Variants in CNTNAP2 observed in about 807,000 individuals in gnomAD.
CNTNAP2 encodes the protein contactin-associated protein-like 2.
In CNTNAP2, 98 loss-of-function variants were observed where a neutral mutation model predicts 155.2. The ratio of observed to expected loss-of-function variants is 0.63; its 90% CI spans 0.54 to 0.75. The LOEUF (loss-of-function observed/expected upper bound fraction) is 0.75, where lower values mean the gene tolerates loss of function less well. Ranked by LOEUF, CNTNAP2 falls within the 30% of genes least tolerant of loss-of-function variation. The pLI, the probability that CNTNAP2 is intolerant of heterozygous loss-of-function variation, is 0.00. For synonymous variants in CNTNAP2, 651 were observed against 631.2 expected (o/e 1.03, Z -0.47); for missense variants, 1,727 against 1,688.1 (o/e 1.02, Z -0.40).
At chr7:146,957,525 G>T (rs976639430) in intron 3 of CNTNAP2, among the ~76,000 whole-genome samples, 2 of 152,140 alleles carry the variant, frequency 1.3e-5, no homozygotes, top group Non-Finnish European at 2.9e-5. Flanking sequence ...ATACACAAAA[G>T]CATAGAGTAA....
chr7:146,364,244 G>A (rs1282556799), intron 1 of CNTNAP2, among the ~76,000 whole-genome samples: 1 of 152,090 alleles, frequency 6.6e-6, no homozygotes, highest in Non-Finnish European at 1.5e-5. Context: ...CTAATTACCA[G>A]AGCTGAAAAA....
chr7:146,785,804 G>C (rs879552482), intron 2 of CNTNAP2, among the ~76,000 whole-genome samples: 2 of 152,178 alleles, frequency 1.3e-5, no homozygotes, highest in Non-Finnish European at 2.9e-5. Flanking sequence ...GTAGAACAGA[G>C]ACCATGAGGA....
chr7:146,984,553 A>G (rs567466242), intron 3 of CNTNAP2, among the ~76,000 whole-genome samples: 15 of 151,868 alleles, frequency 9.9e-5, no homozygotes, highest in Non-Finnish European at 2.1e-4. Context: ...CTATAAGACA[A>G]TGTCATTTTA....
intron 8 of CNTNAP2, among the ~76,000 whole-genome samples, chr7:147,212,609 A>C (rs1406399837): frequency 6.6e-6 from 1 of 152,136 alleles, no homozygotes; most frequent in African/African-American, 2.4e-5. Flanking sequence ...GATGTGGAGA[A>C]GTGTTGAAAA....
intron 21 of CNTNAP2, among the ~76,000 whole-genome samples, chr7:148,369,999 G>A (rs1288814820): frequency 3.9e-5 from 6 of 152,110 alleles, no homozygotes; most frequent in Non-Finnish European, 8.8e-5. Context: ...TAAGTTCCAA[G>A]GGATGTAAAG....
At chr7:147,304,467 A>C (rs1794993060) in intron 9 of CNTNAP2, among the ~76,000 whole-genome samples, 1 of 152,124 alleles carries the variant, frequency 6.6e-6, no homozygotes, top group African/African-American at 2.4e-5. Context: ...ATGATTTTTA[A>C]ATTTCTAAAT....
chr7:147,270,645 G>C (rs1276725646), intron 8 of CNTNAP2, among the ~76,000 whole-genome samples: 1 of 152,156 alleles, frequency 6.6e-6, no homozygotes, highest in Non-Finnish European at 1.5e-5. Flanking sequence ...CTGCATTTTA[G>C]ACAAATGACC....
At chr7:146,310,703 G>C (rs1370067533) in intron 1 of CNTNAP2, among the ~76,000 whole-genome samples, 1 of 152,004 alleles carries the variant, frequency 6.6e-6, no homozygotes, top group African/African-American at 2.4e-5. Context: ...TACGATCAAA[G>C]TAGCAACTTG....
intron 8 of CNTNAP2, among the ~76,000 whole-genome samples, chr7:147,154,142 T>A (rs1264568888): frequency 6.6e-6 from 1 of 152,070 alleles, no homozygotes; most frequent in Admixed American, 6.6e-5. Flanking sequence ...CCACTAGATG[T>A]AATAACATTC....
At chr7:146,759,711 A>AGGG (rs1554477346) in intron 1 of CNTNAP2, among the ~76,000 whole-genome samples, 3 of 60,764 alleles carry the variant, frequency 4.9e-5, no homozygotes, top group Non-Finnish European at 6.4e-5. Context: ...AAAAAAAAAA[A>AGGG]GGTGGGTGGG....
chr7:148,294,174 AATATT>A (rs1389575021), intron 21 of CNTNAP2, among the ~76,000 whole-genome samples: 1 of 151,968 alleles, frequency 6.6e-6, no homozygotes, highest in Non-Finnish European at 1.5e-5. Flanking sequence ...ATCTGTGGCC[AATATT>A]ATATTATAAC....
intron 1 of CNTNAP2, among the ~76,000 whole-genome samples, chr7:146,765,019 C>T (rs1802170550): frequency 1.3e-5 from 2 of 152,042 alleles, no homozygotes; most frequent in South Asian, 4.2e-4. Flanking sequence ...GAGAAATCAA[C>T]ATATAAACCA....
Position 147,254,195 on chromosome 7 carries a change from A to G in CNTNAP2, c.1349-45946A>G, listed in dbSNP as rs533776676. 4.6e-5 allele frequency among the ~76,000 whole-genome samples: 7 copies of G among 152,282 alleles called. No individual in the cohort carries two copies. In the South Asian group the frequency reaches 1.4e-3, roughly 32 times the overall value. On this transcript the variant is annotated intron_variant, in intron 8 of 23. Transcript: ENST00000361727. ...CAGTCTGTTCTCATGGAGTCAGTGA[A>G]AACTTCATTGTATTTGAAAGACCCT...
chr7:147,483,858 G>C (rs892982816), intron 10 of CNTNAP2, among the ~76,000 whole-genome samples: 1 of 152,116 alleles, frequency 6.6e-6, no homozygotes, highest in Non-Finnish European at 1.5e-5. Flanking sequence ...AGTGGCTATA[G>C]GAAAGGACCC....
intron 14 of CNTNAP2, among the ~76,000 whole-genome samples, chr7:147,961,553 C>T (rs1453246948): frequency 6.6e-6 from 1 of 152,166 alleles, no homozygotes; most frequent in Non-Finnish European, 1.5e-5. Flanking sequence ...GGCATTATTA[C>T]AGTTTTCTAC....
chr7:146,717,766 T>C (rs1801216858), intron 1 of CNTNAP2, among the ~76,000 whole-genome samples: 1 of 152,146 alleles, frequency 6.6e-6, no homozygotes, highest in Non-Finnish European at 1.5e-5. Context: ...TGAGGTTTTT[T>C]TTTGTGCCAG....
chr7:147,026,440 T>C (rs537423147), intron 3 of CNTNAP2, among the ~76,000 whole-genome samples: 1 of 152,328 alleles, frequency 6.6e-6, no homozygotes, highest in South Asian at 2.1e-4. Flanking sequence ...CATATGCTTT[T>C]TCCATCGATT....
chr7:146,571,506 A>G (rs1053301412), intron 1 of CNTNAP2, among the ~76,000 whole-genome samples: 5 of 152,064 alleles, frequency 3.3e-5, no homozygotes, highest in African/African-American at 1.2e-4. Context: ...TTAATAGTTT[A>G]TAGGACTTTT....
chr7:147,872,022 G>T (rs1799336016), intron 13 of CNTNAP2, among the ~76,000 whole-genome samples: 1 of 152,178 alleles, frequency 6.6e-6, no homozygotes, highest in Non-Finnish European at 1.5e-5. Flanking sequence ...GTCCCTAGCA[G>T]GAAAAAGCCA....
Sources: allele counts gnomAD v4.1 joint callset (sites outside exome capture counted in the v4.1 genomes callset), GRCh38; gene constraint gnomAD v4.1.1; transcripts MANE v1.5; gene names NCBI Gene and HGNC (gene_info 2026-07-23, HGNC 2026-07-21).